The following ADAM23 variants were observed in gnomAD, a reference collection of about 807,000 sequenced individuals.
ADAM23 encodes the protein ADAM metallopeptidase domain 23.
In ADAM23, 33 loss-of-function variants were observed where a neutral mutation model predicts 120.1. The ratio of observed to expected loss-of-function variants is 0.27; its 90% CI spans 0.21 to 0.37. The LOEUF (loss-of-function observed/expected upper bound fraction) is 0.37. ADAM23 is among the 10% of genes least tolerant of loss of function. The pLI is 1.00. For missense variants in ADAM23, 862 were observed against 1,058.2 expected (o/e 0.81, Z 2.57); for synonymous variants, 367 against 375.2 (o/e 0.98, Z 0.25).
intron 2 of ADAM23, among the ~76,000 whole-genome samples, chr2:206,447,590 A>G (rs1695108003): frequency 1.3e-5 from 2 of 152,204 alleles, no homozygotes; most frequent in Admixed American, 1.3e-4. Flanking sequence ...AGTAGTTGAT[A>G]AAAAGTGTTC....
At chr2:206,570,264 A>G (rs1574540148) in intron 15 of ADAM23, among the ~76,000 whole-genome samples, 1 of 152,252 alleles carries the variant, frequency 6.6e-6, no homozygotes, top group East Asian at 1.9e-4. Flanking sequence ...TTTTTCCCCT[A>G]AGTTTACTTG....
chr2:206,569,321 TA>T (rs1697951026), intron 15 of ADAM23, among the ~76,000 whole-genome samples: 2 of 152,218 alleles, frequency 1.3e-5, no homozygotes, highest in Non-Finnish European at 2.9e-5. Context: ...ATAAATCATC[TA>T]TTTTTTAAAA....
intron 15 of ADAM23, among the ~76,000 whole-genome samples, chr2:206,567,538 G>A (rs1697914273): frequency 6.6e-6 from 1 of 152,142 alleles, no homozygotes; most frequent in Non-Finnish European, 1.5e-5. Flanking sequence ...TGGTGTTTCA[G>A]TGCTAGCTAG....
At chr2:206,512,219 A>G (rs142392304) in intron 3 of ADAM23, among the ~76,000 whole-genome samples, 13 of 152,314 alleles carry the variant, frequency 8.5e-5, no homozygotes, top group African/African-American at 2.6e-4. Flanking sequence ...ATTACTTTCA[A>G]TTTTCTAAAC....
chr2:206,479,873 G>A (rs917601880), intron 2 of ADAM23, among the ~76,000 whole-genome samples: 3 of 152,054 alleles, frequency 2.0e-5, no homozygotes, highest in Non-Finnish European at 4.4e-5. Flanking sequence ...ACATTTTATG[G>A]ATTATTATTG....
Position 206,444,097 on chromosome 2 carries a change from G to C in ADAM23, c.214+17G>C. The C allele has an allele frequency of 7.7e-7, 1 of 1,296,618 alleles. No individual in the cohort carries two copies. Among genetic ancestry groups the C allele is most frequent in the Non-Finnish European group, 9.8e-7 (1 of 1,021,216 alleles). The allele number at this position is 1,296,618 out of a possible 1,614,324, so 80.3% of individuals were successfully genotyped here. On this transcript the variant is annotated intron_variant, in intron 1 of 25. Coordinates refer to ENST00000264377, the MANE Select transcript of ADAM23 (RefSeq NM_003812.4). ...CGCCCAGCGGTGGGTATGGCCCCGTGCCCTTTGCGTTGGCTTTCCCGCGGG... is the reference window on the plus strand; with the variant it reads ...CGCCCAGCGGTGGGTATGGCCCCGTCCCCTTTGCGTTGGCTTTCCCGCGGG...
At chr2:206,574,314 CTTTGT>C (rs1698068734) in intron 18 of ADAM23, among the ~76,000 whole-genome samples, 2 of 151,636 alleles carry the variant, frequency 1.3e-5, no homozygotes, top group Non-Finnish European at 2.9e-5. Flanking sequence ...TGTGAATATG[CTTTGT>C]TTTATGTTTT....
At chr2:206,501,933 A>C (rs1374283721) in intron 3 of ADAM23, among the ~76,000 whole-genome samples, 1 of 152,166 alleles carries the variant, frequency 6.6e-6, no homozygotes, top group East Asian at 1.9e-4. Context: ...GTTAGAATTG[A>C]AATGCAGTAA....
chr2:206,583,396 G>C (rs1198542820), intron 18 of ADAM23, among the ~76,000 whole-genome samples: 2 of 151,802 alleles, frequency 1.3e-5, no homozygotes, highest in African/African-American at 2.4e-5. Flanking sequence ...GGAGGTTGCA[G>C]TGAGCCGAGA....
intron 3 of ADAM23, among the ~76,000 whole-genome samples, chr2:206,483,193 A>G (rs41344245): frequency 0.13 from 19,421 of 152,234 alleles, 1,696 homozygotes; most frequent in African/African-American, 0.23. Context: ...GGATTGCTCC[A>G]TGTGGATAAC....
At chr2:206,459,992 C>T (rs1000779363) in intron 2 of ADAM23, among the ~76,000 whole-genome samples, 2 of 152,206 alleles carry the variant, frequency 1.3e-5, no homozygotes, top group African/African-American at 2.4e-5. Flanking sequence ...TCTCCTATCA[C>T]TCTGGTTCTC....
chr2:206,592,690 A>G lies in ADAM23; in HGVS notation c.2032A>G (p.Ile678Val). 6.2e-7 allele frequency: 1 copy of G among 1,614,052 alleles called. No individual in the cohort carries two copies. The highest frequency in any genetic ancestry group is 8.5e-7 in the Non-Finnish European group (1 of 1,179,964). Residue 678 changes from isoleucine to valine, a missense_variant, in exon 22 of 26, where the codon ATC becomes GTC. Physicochemically the swap from Ile to Val is conservative, Grantham distance 29 (BLOSUM62 3). Transcript: ENST00000264377. ...ACGTATTGGTCAACTTCAGGGTGAGATCATTCCAACTTCCTTCTACCATCA... is the reference window on the plus strand; with the variant it reads ...ACGTATTGGTCAACTTCAGGGTGAGGTCATTCCAACTTCCTTCTACCATCA... ...APRIGQLQGEIIPTSFYHQGR... is the reference protein window; with the variant it reads ...APRIGQLQGEVIPTSFYHQGR...
chr2:206,602,468 T>G (rs1235257026), intron 24 of ADAM23, among the ~76,000 whole-genome samples: 1 of 152,210 alleles, frequency 6.6e-6, no homozygotes, highest in Non-Finnish European at 1.5e-5. Context: ...AAGAGTTTAT[T>G]TAGTATTTAC....
chr2:206,609,589 A>C (rs553802743), intron 24 of ADAM23, among the ~76,000 whole-genome samples: 1 of 152,274 alleles, frequency 6.6e-6, no homozygotes, highest in East Asian at 1.9e-4. Flanking sequence ...TATTTGATAC[A>C]TGATACTGGG....
rs1698385779 is a variant in ADAM23 at position 206,589,464 on chromosome 2, G to A, written c.1908G>A (p.Glu636=). ...AAAAGCTGAATACAGAAGGCACTGA[G>A]AAGGGAAACTGCGGGAAGGATGGAG... is the stretch of plus-strand genomic sequence containing the variant. ...CYEKLNTEGT[E]KGNCGKDGDR... Residue 636 remains glutamate (E), a synonymous_variant, in exon 21 of 26, where the codon GAG becomes GAA. Coordinates refer to ENST00000264377, the MANE Select transcript of ADAM23 (RefSeq NM_003812.4). 1 of 1,613,942 alleles carries A rather than the reference G, an allele frequency of 6.2e-7. No individual in the cohort carries two copies. Among genetic ancestry groups the A allele is most frequent in the East Asian group, 2.2e-5 (1 of 44,864 alleles).
chr2:206,459,000 A>G (rs1318540878), intron 2 of ADAM23, among the ~76,000 whole-genome samples: 2 of 152,206 alleles, frequency 1.3e-5, no homozygotes, highest in Non-Finnish European at 2.9e-5. Flanking sequence ...TGACAAGGAG[A>G]TAAGATTTTG....
At chr2:206,569,368 C>T (rs529414375) in intron 15 of ADAM23, among the ~76,000 whole-genome samples, 33 of 152,206 alleles carry the variant, frequency 2.2e-4, no homozygotes, top group South Asian at 1.2e-3. Context: ...TTTTAAACTA[C>T]GTAGTACAAT....
chr2:206,486,139 G>T (rs1162587199), intron 3 of ADAM23, among the ~76,000 whole-genome samples: 2 of 152,220 alleles, frequency 1.3e-5, no homozygotes, highest in African/African-American at 4.8e-5. Flanking sequence ...TTGGATGGCA[G>T]TAAGCATGGA....
At chr2:206,575,860 G>C (rs2105835145) in intron 18 of ADAM23, among the ~76,000 whole-genome samples, 1 of 152,276 alleles carries the variant, frequency 6.6e-6, no homozygotes, top group Non-Finnish European at 1.5e-5. Flanking sequence ...TCATTGGTCA[G>C]TCACTCCACC....
Sources: allele counts gnomAD v4.1 joint callset (sites outside exome capture counted in the v4.1 genomes callset), GRCh38; gene constraint gnomAD v4.1.1; transcripts MANE v1.5; gene names NCBI Gene and HGNC (gene_info 2026-07-23, HGNC 2026-07-21).